KIF6: variants seen among roughly 807,000 people sequenced by gnomAD.
KIF6 encodes kinesin-like protein KIF6.
A neutral mutation model predicts 112.7 loss-of-function variants in KIF6; 106 were observed. That is an observed-to-expected ratio of 0.94 (90% CI 0.80 to 1.11). The LOEUF (loss-of-function observed/expected upper bound fraction) is 1.11. Ranked by LOEUF, KIF6 falls within the 50% of genes least tolerant of loss-of-function variation. The pLI is 0.00. For synonymous variants in KIF6, 339 were observed against 339.9 expected, an observed-to-expected ratio of 1.00 and a Z score of 0.03; for missense variants, 929 against 964.0, an observed-to-expected ratio of 0.96 and a Z score of 0.48.
intron 16 of KIF6, among the ~76,000 whole-genome samples, chr6:39,371,462 T>C (rs1340712706): frequency 6.6e-6 from 1 of 152,220 alleles, no homozygotes; most frequent in Non-Finnish European, 1.5e-5. Flanking sequence ...GGGAGACTTC[T>C]CTGCGGGGGT....
At chr6:39,614,448 A>G (rs866212585) in intron 5 of KIF6, among the ~76,000 whole-genome samples, 7 of 152,340 alleles carry the variant, frequency 4.6e-5, no homozygotes, top group Non-Finnish European at 7.3e-5. Flanking sequence ...AGAATATCTT[A>G]AAAATGAAGA....
At chr6:39,443,457 T>C (rs1361987025) in intron 13 of KIF6, among the ~76,000 whole-genome samples, 1 of 152,226 alleles carries the variant, frequency 6.6e-6, no homozygotes, top group East Asian at 1.9e-4. Flanking sequence ...ATTTTTATTT[T>C]ATTTAAGACA....
chr6:39,545,589 A>C lies in KIF6; in HGVS notation c.1281T>G (p.His427Gln). ...DMRKVHHCFH[H>Q]LKKLLNDKKI... is the part of the protein sequence containing the mutation. ...GGGAAACATTTAAGTTTACCTTTAA[A>C]TGATGAAAACAGTGATGAACTTTAC... Residue 427 changes from histidine to glutamine, a missense_variant, in exon 11 of 23, where the codon CAT becomes CAG. Physicochemically the swap from His to Gln is conservative, Grantham distance 24. Transcript: ENST00000287152. 1 of 1,608,282 alleles carries C rather than the reference A, an allele frequency of 6.2e-7. No homozygotes were observed. Among genetic ancestry groups the C allele is most frequent in the Non-Finnish European group, 8.5e-7 (1 of 1,175,186 alleles).
At chr6:39,652,539 A>C (rs935450685) in intron 3 of KIF6, among the ~76,000 whole-genome samples, 4 of 148,908 alleles carry the variant, frequency 2.7e-5, no homozygotes, top group Non-Finnish European at 4.5e-5. Flanking sequence ...AAAAAAAAAA[A>C]CAAAACAAAA....
chr6:39,611,683 TA>T (rs1394141748), intron 6 of KIF6, among the ~76,000 whole-genome samples: 12 of 152,336 alleles, frequency 7.9e-5, no homozygotes, highest in African/African-American at 2.9e-4. Flanking sequence ...CTCTTTTTCA[TA>T]AGCATTGGTG....
chr6:39,561,510 C>T (rs1421587153), intron 10 of KIF6, among the ~76,000 whole-genome samples: 1 of 151,862 alleles, frequency 6.6e-6, no homozygotes, highest in African/African-American at 2.4e-5. Flanking sequence ...GGTCACCACG[C>T]CCGGTTAATT....
At chr6:39,532,375 G>A (rs1214559779) in intron 13 of KIF6, among the ~76,000 whole-genome samples, 1 of 152,136 alleles carries the variant, frequency 6.6e-6, no homozygotes, top group Non-Finnish European at 1.5e-5. Flanking sequence ...AACAAAGGAT[G>A]TGCTCTATAA....
At chr6:39,641,618 A>G (rs1784904465) in intron 3 of KIF6, among the ~76,000 whole-genome samples, 1 of 151,702 alleles carries the variant, frequency 6.6e-6, no homozygotes, top group Non-Finnish European at 1.5e-5. Context: ...CGTTGTGCAC[A>G]TGTACCCTAA....
intron 13 of KIF6, among the ~76,000 whole-genome samples, chr6:39,531,015 G>A (rs1778028037): frequency 6.6e-6 from 1 of 151,710 alleles, no homozygotes; most frequent in Non-Finnish European, 1.5e-5. Flanking sequence ...CCTATTTGTA[G>A]TTTTGCCAAA....
chr6:39,662,151 CA>C (rs1261685412), intron 3 of KIF6, among the ~76,000 whole-genome samples: 1 of 152,054 alleles, frequency 6.6e-6, no homozygotes, highest in Non-Finnish European at 1.5e-5. Flanking sequence ...TAATTTAAAA[CA>C]TATAATCAAT....
At chr6:39,633,945 G>C (rs1327768900) in intron 5 of KIF6, among the ~76,000 whole-genome samples, 2 of 152,118 alleles carry the variant, frequency 1.3e-5, no homozygotes, top group Non-Finnish European at 2.9e-5. Context: ...AAATAAAAAT[G>C]TCATTAAGAA....
At chr6:39,664,063 T>G (rs1786312634) in intron 3 of KIF6, among the ~76,000 whole-genome samples, 1 of 152,110 alleles carries the variant, frequency 6.6e-6, no homozygotes, top group South Asian at 2.1e-4. Context: ...TAATATCAAG[T>G]TTAAAACAAA....
At chr6:39,466,300 C>T (rs1185429791) in intron 13 of KIF6, among the ~76,000 whole-genome samples, 2 of 152,140 alleles carry the variant, frequency 1.3e-5, no homozygotes, top group Non-Finnish European at 2.9e-5. Flanking sequence ...TTTGGACTTT[C>T]TGGAGGAACA....
intron 13 of KIF6, among the ~76,000 whole-genome samples, chr6:39,509,856 A>T (rs1005912702): frequency 6.6e-6 from 1 of 152,184 alleles, no homozygotes; most frequent in Admixed American, 6.5e-5. Flanking sequence ...GCAGGCCAAC[A>T]TTCAAATTCA....
chr6:39,654,116 G>C (rs1291252117), intron 3 of KIF6, among the ~76,000 whole-genome samples: 1 of 152,132 alleles, frequency 6.6e-6, no homozygotes, highest in Non-Finnish European at 1.5e-5. Context: ...AGTAACGAGA[G>C]GCTAATAACA....
chr6:39,708,340 G>A (rs951061402), intron 3 of KIF6, among the ~76,000 whole-genome samples: 4 of 152,190 alleles, frequency 2.6e-5, no homozygotes. Flanking sequence ...AGAGAGTGAA[G>A]GAAAAGAGAA....
chr6:39,534,046 C>T (rs1275743521), intron 13 of KIF6, among the ~76,000 whole-genome samples: 2 of 152,104 alleles, frequency 1.3e-5, no homozygotes, highest in Non-Finnish European at 2.9e-5. Flanking sequence ...GACATCCACA[C>T]CAAAAACCCA....
intron 18 of KIF6, among the ~76,000 whole-genome samples, chr6:39,358,449 C>A (rs1048910136): frequency 5.9e-5 from 9 of 152,224 alleles, no homozygotes; most frequent in African/African-American, 1.9e-4. Context: ...TCAGTGACAT[C>A]CTGTGGGGCA....
chr6:39,687,049 C>A (rs1198074773), intron 3 of KIF6, among the ~76,000 whole-genome samples: 2 of 152,120 alleles, frequency 1.3e-5, no homozygotes, highest in Admixed American at 1.3e-4. Flanking sequence ...AAGCAGTATT[C>A]TGTAGCAACC....
Sources: allele counts gnomAD v4.1 joint callset (sites outside exome capture counted in the v4.1 genomes callset), GRCh38; gene constraint gnomAD v4.1.1; transcripts MANE v1.5; gene names NCBI Gene and HGNC (gene_info 2026-07-23, HGNC 2026-07-21).